Variants in NRXN3 observed in about 807,000 individuals in gnomAD.
NRXN3 encodes the protein neurexin III.
NRXN3 carries 32 observed loss-of-function variants against 137.6 expected under a neutral mutation model. The observed-to-expected ratio is 0.23, with a 90% CI of 0.18 to 0.31. The LOEUF (loss-of-function observed/expected upper bound fraction) is 0.31, where lower values mean the gene tolerates loss of function less well. Among genes scored for constraint, NRXN3 ranks in the 10% least tolerant of loss-of-function variants. NRXN3 has a pLI of 1.00. For synonymous variants in NRXN3, 798 were observed against 784.5 expected, an observed-to-expected ratio of 1.02 and a Z score of -0.29; for missense variants, 1,574 against 2,062.5, an observed-to-expected ratio of 0.76 and a Z score of 4.59.
chr14:78,977,813 A>C (rs1204676586), intron 14 of NRXN3, among the ~76,000 whole-genome samples: 1 of 152,186 alleles, frequency 6.6e-6, no homozygotes, highest in African/African-American at 2.4e-5. Flanking sequence ...TTTGTAAGCC[A>C]GTTTACATGA....
At chr14:78,390,835 C>T (rs2090654653) in intron 4 of NRXN3, among the ~76,000 whole-genome samples, 1 of 152,078 alleles carries the variant, frequency 6.6e-6, no homozygotes. Flanking sequence ...AGGTTTGTTA[C>T]ATAGGTAAAC....
At chr14:79,080,140 G>C (rs1319886445) in intron 15 of NRXN3, among the ~76,000 whole-genome samples, 1 of 152,132 alleles carries the variant, frequency 6.6e-6, no homozygotes, top group African/African-American at 2.4e-5. Flanking sequence ...GAGACAGCTG[G>C]GGGCAGCCAG....
intron 8 of NRXN3, among the ~76,000 whole-genome samples, chr14:78,764,329 G>A (rs2098701843): frequency 6.6e-6 from 1 of 152,162 alleles, no homozygotes; most frequent in Non-Finnish European, 1.5e-5. Context: ...ACCAAGGGCT[G>A]GAATAGCTGT....
chr14:79,152,884 G>C (rs1328971676), intron 15 of NRXN3, among the ~76,000 whole-genome samples: 2 of 152,008 alleles, frequency 1.3e-5, no homozygotes, highest in Non-Finnish European at 2.9e-5. Context: ...AAAGTGTAAT[G>C]TCAATCTCAT....
At chr14:79,636,655 A>G (rs2098405355) in intron 16 of NRXN3, among the ~76,000 whole-genome samples, 2 of 152,314 alleles carry the variant, frequency 1.3e-5, no homozygotes, top group Admixed American at 6.5e-5. Context: ...TCTAGAAATC[A>G]GAGTATTTCC....
chr14:79,522,469 T>C (rs956267525), intron 16 of NRXN3, among the ~76,000 whole-genome samples: 17 of 152,290 alleles, frequency 1.1e-4, no homozygotes, highest in African/African-American at 3.6e-4. Flanking sequence ...AATAATGGAA[T>C]TCATTTTATG....
chr14:78,661,601 A>C (rs1362973775), intron 6 of NRXN3, among the ~76,000 whole-genome samples: 1 of 152,192 alleles, frequency 6.6e-6, no homozygotes, highest in East Asian at 1.9e-4. Context: ...GTGTTATCTG[A>C]GGTTGAATTA....
At chr14:78,440,772 G>T (rs992619367) in intron 4 of NRXN3, among the ~76,000 whole-genome samples, 5 of 152,142 alleles carry the variant, frequency 3.3e-5, no homozygotes, top group Non-Finnish European at 7.3e-5. Flanking sequence ...TTGGGGTGGG[G>T]TGTGCTGCAG....
At chr14:78,980,991 A>G (rs2099487910) in intron 14 of NRXN3, among the ~76,000 whole-genome samples, 1 of 152,176 alleles carries the variant, frequency 6.6e-6, no homozygotes, top group Non-Finnish European at 1.5e-5. Context: ...GATATTAATA[A>G]TTAATAATGA....
chr14:78,469,845 T>C (rs1367606792), intron 4 of NRXN3, among the ~76,000 whole-genome samples: 1 of 152,246 alleles, frequency 6.6e-6, no homozygotes, highest in Non-Finnish European at 1.5e-5. Flanking sequence ...ATCTCAGTAT[T>C]TGTTTTCCTT....
At chr14:78,215,982 G>A (rs2063235155) in intron 1 of NRXN3, among the ~76,000 whole-genome samples, 2 of 152,284 alleles carry the variant, frequency 1.3e-5, no homozygotes, top group Admixed American at 6.5e-5. Context: ...ATAACATGGG[G>A]AATTTCCTGC....
chr14:78,754,570 C>T lies in NRXN3; in HGVS notation c.2044+39431C>T, dbSNP rs546219231. ...TTCTCTAACTACATCAAATCCCACT[C>T]TTCAGTTAGTTCCACCTTTCAATTG... On this transcript the variant is annotated intron_variant, in intron 8 of 20. Transcript: ENST00000335750. Among the ~76,000 whole-genome samples the T allele has an allele frequency of 2.6e-5, 4 of 152,322 alleles. No homozygotes were observed. In the East Asian group the frequency reaches 7.7e-4, roughly 29 times the overall value.
intron 10 of NRXN3, among the ~76,000 whole-genome samples, chr14:78,833,488 C>T (rs377235369): frequency 6.6e-5 from 10 of 152,168 alleles, no homozygotes; most frequent in African/African-American, 2.2e-4. Context: ...GTTTTGTTCC[C>T]ATACTTAATC....
chr14:78,437,327 TTTTC>T (rs1421401258), intron 4 of NRXN3, among the ~76,000 whole-genome samples: 1 of 150,550 alleles, frequency 6.6e-6, no homozygotes, highest in African/African-American at 2.5e-5. Flanking sequence ...TGGTTTATTT[TTTTC>T]TTTTCTTTTC....
chr14:78,757,453 A>G (rs891327752), intron 8 of NRXN3, among the ~76,000 whole-genome samples: 1 of 151,620 alleles, frequency 6.6e-6, no homozygotes, highest in Admixed American at 6.6e-5. Flanking sequence ...ATTAGCAATC[A>G]TGTACCTCCC....
intron 19 of NRXN3, among the ~76,000 whole-genome samples, chr14:79,761,684 C>CAAAAAAAAAAAAAAAAAAAAAAAAAAAAA (rs10599873): frequency 1.3e-5 from 1 of 78,906 alleles, no homozygotes; most frequent in Admixed American, 1.4e-4. Flanking sequence ...GACTCTGTCT[C>CAAAAAAAAAAAAAAAAAAAAAAAAAAAAA]AAAAAAAAAA....
chr14:79,861,058 T>A lies in NRXN3; in HGVS notation c.4094-284T>A. ...TCCCAGGAGGTGAATTAGTTATCCC[T>A]CTTCTTGTAGAAGACCCTTTAGCTA... On this transcript the variant is annotated intron_variant, in intron 20 of 20. Transcript: ENST00000335750. This position sits in a 1 kb window ranked among gnomAD's most constrained non-coding sequence, Gnocchi z 5.4. 7.1e-7 allele frequency: 1 copy of A among 1,417,670 alleles called. No individual in the cohort carries two copies. Among genetic ancestry groups the A allele is most frequent in the South Asian group, 1.6e-5 (1 of 62,796 alleles). 87.8% of individuals were successfully genotyped at this position (1,417,670 alleles called of 1,614,324 possible).
intron 15 of NRXN3, among the ~76,000 whole-genome samples, chr14:79,436,407 A>G (rs924985946): frequency 2.0e-5 from 3 of 152,210 alleles, no homozygotes; most frequent in Non-Finnish European, 4.4e-5. Context: ...GAAAGTTGTA[A>G]TAGAGCTACA....
chr14:78,355,653 G>A (rs1286044108), intron 4 of NRXN3, among the ~76,000 whole-genome samples: 2 of 152,108 alleles, frequency 1.3e-5, no homozygotes, highest in African/African-American at 2.4e-5. Flanking sequence ...CTGCTGGCCT[G>A]AAGTGATCCA....
Sources: allele counts gnomAD v4.1 joint callset (sites outside exome capture counted in the v4.1 genomes callset), GRCh38; gene constraint gnomAD v4.1.1; non-coding constraint Gnocchi (gnomAD v3.1); transcripts MANE v1.5; gene names NCBI Gene and HGNC (gene_info 2026-07-23, HGNC 2026-07-21).